Variants in RSF1 observed in about 807,000 individuals in gnomAD.
RSF1 encodes the protein HBV pX-associated protein 8.
Under a neutral mutation model 145.2 loss-of-function variants are expected in RSF1, and 13 were observed. The ratio of observed to expected loss-of-function variants is 0.09; its 90% confidence interval spans 0.06 to 0.14. RSF1 has a LOEUF of 0.14. Ranked by LOEUF, RSF1 falls within the 10% of genes least tolerant of loss-of-function variation. The probability of loss-of-function intolerance (pLI) is 1.00; values close to 1 mark genes in which losing one functional copy is unlikely to be tolerated. For missense variants in RSF1, 1,517 were observed against 1,718.2 expected (o/e 0.88, Z 2.07); for synonymous variants, 577 against 592.6 (o/e 0.97, Z 0.38).
In RSF1 at chr11:77,702,233, A is replaced by G. The variant is rs1297767527; in HGVS notation, c.996T>C (p.Asp332=). Residue 332 remains aspartate, a synonymous_variant, in exon 6 of 16, where the codon GAT becomes GAC. Coordinates refer to ENST00000308488, the MANE Select transcript of RSF1 (RefSeq NM_016578.4). ...CCATGCTACTTTTGGTATCTTTAGG[A>G]TCTGCTCTACATTCCTTCACCTCAA... ...IKVEVKECRA[D]PKDTKSSMEK... is the part of the protein sequence containing the mutation. 1 of 1,613,650 alleles carries G rather than the reference A, an allele frequency of 6.2e-7. No individual in the cohort carries two copies. Among genetic ancestry groups the G allele is most frequent in the Non-Finnish European group, 8.5e-7 (1 of 1,179,924 alleles).
At chr11:77,745,646 A>C (rs1947992070) in intron 3 of RSF1, among the ~76,000 whole-genome samples, 1 of 151,486 alleles carries the variant, frequency 6.6e-6, no homozygotes, top group Admixed American at 6.6e-5. Flanking sequence ...TGCAGTTTTC[A>C]AGGAAGGTAG....
intron 5 of RSF1, among the ~76,000 whole-genome samples, chr11:77,708,588 G>A (rs1960607502): frequency 6.6e-6 from 1 of 152,188 alleles, no homozygotes; most frequent in Non-Finnish European, 1.5e-5. Context: ...CTCACTAGCT[G>A]TAGTATTGAC....
At chr11:77,828,670 G>GAAA in the RSF1 span, among the ~76,000 whole-genome samples, 1 of 83,926 alleles carries the variant, frequency 1.2e-5, no homozygotes. Flanking sequence ...ACTCCATCTC[G>GAAA]AAAAAAAAAA....
At chr11:77,856,675 T>C in the RSF1 span, among the ~76,000 whole-genome samples, 1 of 152,090 alleles carries the variant, frequency 6.6e-6, no homozygotes, top group Non-Finnish European at 1.5e-5. Context: ...CTTACATGGC[T>C]GGAGCAAGAG....
intron 15 of RSF1, among the ~76,000 whole-genome samples, chr11:77,671,138 A>AATATATAT (rs1225103987): frequency 5.3e-3 from 117 of 21,986 alleles, no homozygotes; most frequent in Non-Finnish European, 6.5e-3. Context: ...AAAAAAAAAA[A>AATATATAT]ATATATATAT....
At chr11:77,693,221 C>T (rs1210188165) in intron 8 of RSF1, among the ~76,000 whole-genome samples, 3 of 152,064 alleles carry the variant, frequency 2.0e-5, no homozygotes, top group Non-Finnish European at 2.9e-5. Flanking sequence ...AAACATATAT[C>T]CTTCCTTCTA....
chr11:77,800,995 G>A (rs1948620320), intron 1 of RSF1, among the ~76,000 whole-genome samples: 2 of 150,836 alleles, frequency 1.3e-5, no homozygotes, highest in Non-Finnish European at 2.9e-5. Context: ...ACAGAGCCAG[G>A]CCTTCTCTCT....
intron 10 of RSF1, among the ~76,000 whole-genome samples, chr11:77,684,575 G>C (rs970018476): frequency 6.6e-6 from 1 of 152,192 alleles, no homozygotes; most frequent in African/African-American, 2.4e-5. Context: ...TGTAAGTTTA[G>C]TTTAGATGTG....
At chr11:77,780,146 G>C (rs1948388176) in intron 1 of RSF1, among the ~76,000 whole-genome samples, 1 of 152,086 alleles carries the variant, frequency 6.6e-6, no homozygotes, top group African/African-American at 2.4e-5. Flanking sequence ...TCAGCACCTA[G>C]GACAGTGGCT....
chr11:77,749,818 G>A (rs956430488), intron 2 of RSF1, among the ~76,000 whole-genome samples: 6 of 151,946 alleles, frequency 3.9e-5, no homozygotes, highest in Admixed American at 1.3e-4. Context: ...GTGCGATCTC[G>A]GCTCACTGCA....
intron 1 of RSF1, chr11:77,813,611 G>C: frequency 1.6e-6 from 1 of 632,946 alleles, no homozygotes; most frequent in Non-Finnish European, 2.9e-6. Flanking sequence ...TCGTTAGAGT[G>C]ATTCAATTTC....
chr11:77,732,113 A>C (rs1247249103), intron 4 of RSF1, among the ~76,000 whole-genome samples: 1 of 152,206 alleles, frequency 6.6e-6, no homozygotes, highest in East Asian at 1.9e-4. Context: ...GCAGCTGCCC[A>C]AGACCATGGG....
At chr11:77,840,433 G>A in the RSF1 span, among the ~76,000 whole-genome samples, 1 of 152,144 alleles carries the variant, frequency 6.6e-6, no homozygotes, top group Non-Finnish European at 1.5e-5. Flanking sequence ...GGAGGCTGAG[G>A]CAGGATAATC....
intron 7 of RSF1, among the ~76,000 whole-genome samples, chr11:77,695,403 T>C (rs949640388): frequency 6.6e-6 from 1 of 152,072 alleles, no homozygotes; most frequent in African/African-American, 2.4e-5. Context: ...GGAAAATAAG[T>C]CTCTTCTTCC....
upstream of RSF1, chr11:77,821,198 A>C (rs1948880608): frequency 3.1e-6 from 1 of 325,484 alleles, no homozygotes; most frequent in African/African-American, 2.1e-5. Context: ...CGGGCAGAGC[A>C]CTGCGCCGTT....
At chr11:77,704,337 C>CA (rs1303298846) in intron 5 of RSF1, among the ~76,000 whole-genome samples, 1 of 151,892 alleles carries the variant, frequency 6.6e-6, no homozygotes, top group Non-Finnish European at 1.5e-5. Flanking sequence ...ACAAACAAAA[C>CA]AAAAAAACCT....
the RSF1 span, among the ~76,000 whole-genome samples, chr11:77,827,845 C>T: frequency 1.3e-5 from 2 of 152,242 alleles, no homozygotes; most frequent in African/African-American, 2.4e-5. Context: ...TCTTAAATTA[C>T]TGATCTTGTA....
chr11:77,815,307 C>T (rs542324575), intron 1 of RSF1, among the ~76,000 whole-genome samples: 4 of 152,220 alleles, frequency 2.6e-5, no homozygotes, highest in African/African-American at 9.6e-5. Flanking sequence ...TATAATTGCC[C>T]ATATAATTAA....
chr11:77,794,255 A>G (rs910494879), intron 1 of RSF1, among the ~76,000 whole-genome samples: 1 of 152,256 alleles, frequency 6.6e-6, no homozygotes, highest in Non-Finnish European at 1.5e-5. Flanking sequence ...AGCACGTGGA[A>G]CATCTTCCAG....
Sources: gnomAD v4.1 joint callset for allele counts (sites outside exome capture counted in the v4.1 genomes callset) on GRCh38, gnomAD v4.1.1 for gene constraint, MANE v1.5 for transcripts, NCBI Gene and HGNC (gene_info 2026-07-23, HGNC 2026-07-21) for gene names.